HIPK2: variants seen among roughly 807,000 people sequenced by gnomAD.
HIPK2 encodes the protein homeodomain interacting protein kinase 2.
Under a neutral mutation model 113.7 loss-of-function variants are expected in HIPK2, and 27 were observed. That is an observed-to-expected ratio of 0.24 (90% CI 0.17 to 0.33). The LOEUF (loss-of-function observed/expected upper bound fraction) is 0.33. Ranked by LOEUF, HIPK2 falls within the 10% of genes least tolerant of loss-of-function variation. HIPK2 has a pLI of 1.00. For synonymous variants in HIPK2, 631 were observed against 642.2 expected (o/e 0.98, Z 0.26); for missense variants, 1,257 against 1,588.0 (o/e 0.79, Z 3.54).
Position 139,572,939 on chromosome 7 carries a change from G to A in HIPK2, c.3585C>T (p.Tyr1195=). 1.3e-6 allele frequency: 2 copies of A among 1,533,540 alleles called. No individual in the cohort carries two copies. The highest frequency in any genetic ancestry group is 1.8e-6 in the Non-Finnish European group (2 of 1,133,128). 95.0% of individuals were successfully genotyped at this position (1,533,540 alleles called of 1,614,324 possible). A position where few individuals can be genotyped will look rare whatever the true frequency, so the allele number is the denominator to read the frequency against. ...YPLSPAKVNQ[Y]PYI ...TCCCCTCCAGTGTTTATATGTAAGG[G>A]TACTGGTTGACCTTGGCGGGGCTCA... is the stretch of plus-strand genomic sequence containing the variant. The change falls in exon 15 of 15, where the codon TAC becomes TAT. Residue 1195 remains tyrosine, a synonymous_variant. Transcript: ENST00000406875.
chr7:139,568,676 T>C lies in HIPK2; in HGVS notation c.*4251A>G, dbSNP rs28595190. Reference sequence around the variant, plus strand: ...ATTCGTGGGCTAAGTAAGGACTAGGTTGGCATCCCTCTGCTTGAGAGCTTG... The same window carrying C: ...ATTCGTGGGCTAAGTAAGGACTAGGCTGGCATCCCTCTGCTTGAGAGCTTG... On this transcript the variant is annotated 3_prime_UTR_variant, in exon 15 of 15. Coordinates refer to ENST00000406875, the MANE Select transcript of HIPK2 (RefSeq NM_022740.5). 588 of 152,344 alleles carry C rather than the reference T, an allele frequency of 3.9e-3. 3 individuals are homozygous for C. The highest frequency in any genetic ancestry group is 0.013 in the African/African-American group (556 of 41,566). The allele number at this position is 152,344 out of a possible 1,614,324, so 9.4% of individuals were successfully genotyped here.
chr7:139,564,307 G>C lies in HIPK2; in HGVS notation c.*8620C>G, dbSNP rs868710819. The C allele has an allele frequency of 5.4e-6, 1 of 184,332 alleles. No individual in the cohort carries two copies. 11.4% of individuals were successfully genotyped at this position (184,332 alleles called of 1,614,324 possible). ...AAACGCTGATCAAAATATCACCCCCGGCCCAGAAGTAGCAGCTGTGCCTTC... is the reference window on the plus strand; with the variant it reads ...AAACGCTGATCAAAATATCACCCCCCGCCCAGAAGTAGCAGCTGTGCCTTC... On this transcript the variant is annotated 3_prime_UTR_variant, in exon 15 of 15. Coordinates refer to ENST00000406875, the MANE Select transcript of HIPK2 (RefSeq NM_022740.5).
intron 5 of HIPK2, among the ~76,000 whole-genome samples, 192 bp from the exon 6 acceptor site, chr7:139,626,977 G>T (rs1263224527): frequency 6.6e-6 from 1 of 152,126 alleles, no homozygotes; most frequent in Non-Finnish European, 1.5e-5. Context: ...TTTTCTCTCT[G>T]CAGGAAAGGC....
intron 12 of HIPK2, among the ~76,000 whole-genome samples, chr7:139,587,975 G>T (rs1352493800): frequency 6.6e-6 from 1 of 152,104 alleles, no homozygotes; most frequent in Non-Finnish European, 1.5e-5. Flanking sequence ...TTTGAGGCTA[G>T]GAGTTTAAGA....
intron 11 of HIPK2, among the ~76,000 whole-genome samples, chr7:139,597,344 C>T (rs1053132432): frequency 7.9e-5 from 12 of 152,214 alleles, no homozygotes; most frequent in African/African-American, 2.7e-4. Context: ...AACACACCCC[C>T]TCGCCTTCAG....
intron 2 of HIPK2, among the ~76,000 whole-genome samples, chr7:139,681,717 G>A (rs1802706625): frequency 6.6e-6 from 1 of 152,170 alleles, no homozygotes; most frequent in South Asian, 2.1e-4. Flanking sequence ...TGCACTCCTG[G>A]GAAAAATATT....
intron 9 of HIPK2, among the ~76,000 whole-genome samples, chr7:139,608,252 C>CGTGT (rs55989071): frequency 0.63 from 85,687 of 136,768 alleles, 27,991 homozygotes; most frequent in East Asian, 0.79. Context: ...CAAAAAAATA[C>CGTGT]GTGTGTGTGT....
chr7:139,653,341 A>T (rs1292203337), intron 2 of HIPK2, among the ~76,000 whole-genome samples: 6 of 151,852 alleles, frequency 4.0e-5, no homozygotes, highest in Admixed American at 1.3e-4. Context: ...AACTACAGAC[A>T]AAGAGACATT....
At chr7:139,614,546 AGGTG>A in intron 7 of HIPK2, 53 bp from the exon 8 acceptor site, 913 of 1,147,434 alleles carry the variant, frequency 8.0e-4, no homozygotes, top group Non-Finnish European at 9.5e-4. Context: ...AAAATGAGGG[AGGTG>A]GCATGTTGGG....
intron 1 of HIPK2, among the ~76,000 whole-genome samples, chr7:139,736,154 T>C (rs1328692875): frequency 6.6e-6 from 1 of 151,964 alleles, no homozygotes; most frequent in Admixed American, 6.6e-5. Flanking sequence ...GCACCCACCA[T>C]GAAGGCGCAT....
intron 2 of HIPK2, among the ~76,000 whole-genome samples, chr7:139,647,119 GTTT>G (rs3047860): frequency 1.2e-3 from 176 of 142,512 alleles, no homozygotes; most frequent in South Asian, 4.6e-3. Context: ...TGCACTGATA[GTTT>G]TTTTTTTTTT....
intron 2 of HIPK2, among the ~76,000 whole-genome samples, chr7:139,705,826 TAAAAA>T (rs1010543995): frequency 1.9e-5 from 2 of 105,346 alleles, no homozygotes; most frequent in Non-Finnish European, 2.0e-5. Context: ...AAAAGATTAG[TAAAAA>T]AAAAAAAAAA....
chr7:139,622,569 G>GT (rs1336133561), intron 6 of HIPK2, among the ~76,000 whole-genome samples: 1 of 152,182 alleles, frequency 6.6e-6, no homozygotes, highest in Non-Finnish European at 1.5e-5. Flanking sequence ...AAGAAGATTG[G>GT]TTTTTTAAAA....
At chr7:139,756,413 G>GT (rs1259048151) in intron 1 of HIPK2, among the ~76,000 whole-genome samples, 1 of 152,056 alleles carries the variant, frequency 6.6e-6, no homozygotes, top group Non-Finnish European at 1.5e-5. Flanking sequence ...ACTTTATTTA[G>GT]TTTTTGTTTG....
intron 13 of HIPK2, among the ~76,000 whole-genome samples, chr7:139,578,362 T>A (rs1798557777): frequency 1.3e-5 from 2 of 152,084 alleles, no homozygotes; most frequent in African/African-American, 4.8e-5. Context: ...GCCAGGCTGG[T>A]CGTGAACTCC....
intron 2 of HIPK2, among the ~76,000 whole-genome samples, chr7:139,694,583 C>T (rs1425299530): frequency 2.0e-5 from 3 of 152,112 alleles, no homozygotes; most frequent in African/African-American, 7.2e-5. Context: ...TCGCCACCTG[C>T]CAAGGTTCAC....
intron 1 of HIPK2, among the ~76,000 whole-genome samples, chr7:139,747,422 A>G (rs184620577): frequency 1.2e-4 from 18 of 152,268 alleles, no homozygotes; most frequent in African/African-American, 4.1e-4. Context: ...CCGGCACTTG[A>G]AACCTGCAAA....
At position 139,600,501 on chromosome 7, in the gene HIPK2, T is replaced by C. The variant is rs1054550380; in HGVS notation, c.2351A>G (p.Asn784Ser). ...HVTLPAAQPL[N>S]VGVAHVMRQQ... ...CCGCATCACGTGGGCCACACCCACA[T>C]TTAAGGGCTGTGCTGCTGGAAGGGT... Residue 784 changes from asparagine (N) to serine (S), a missense_variant, in exon 11 of 15, where the codon AAT becomes AGT. Transcript: ENST00000406875. 4 of 1,614,012 alleles carry C rather than the reference T, an allele frequency of 2.5e-6. No homozygotes were observed. The South Asian group carries it at 4.4e-5, about 18-fold the overall frequency.
chr7:139,714,572 T>A lies in HIPK2; in HGVS notation c.1103+1360A>T, dbSNP rs1226788249. 2.6e-5 allele frequency among the ~76,000 whole-genome samples: 4 copies of A among 152,194 alleles called. No homozygotes were observed. The highest frequency in any genetic ancestry group is 9.6e-5 in the African/African-American group (4 of 41,468). ...GCTGTGTCGACAAGGCCCTGGGGCATGTTCCAGCCTTCTCTCTGTGGCCTT... is the reference window on the plus strand; with the variant it reads ...GCTGTGTCGACAAGGCCCTGGGGCAAGTTCCAGCCTTCTCTCTGTGGCCTT... On this transcript the variant is annotated intron_variant, in intron 2 of 14. Coordinates refer to ENST00000406875, the MANE Select transcript of HIPK2 (RefSeq NM_022740.5). This position sits in a 1 kb window ranked among gnomAD's most constrained non-coding sequence, Gnocchi z 4.2.
Sources: allele counts gnomAD v4.1 joint callset (sites outside exome capture counted in the v4.1 genomes callset), GRCh38; gene constraint gnomAD v4.1.1; non-coding constraint Gnocchi (gnomAD v3.1); transcripts MANE v1.5; gene names NCBI Gene and HGNC (gene_info 2026-07-23, HGNC 2026-07-21).